DSE: variants seen among roughly 807,000 people sequenced by gnomAD.
DSE encodes the protein dermatan sulfate epimerase.
DSE carries 36 observed loss-of-function variants against 84.4 expected under a neutral mutation model. That is an observed-to-expected ratio of 0.43 (90% CI 0.33 to 0.56). The LOEUF (loss-of-function observed/expected upper bound fraction) is 0.56. Ranked by LOEUF, DSE falls within the 20% of genes least tolerant of loss-of-function variation. DSE has a pLI of 0.06. For missense variants in DSE, 862 were observed against 1,169.6 expected, an observed-to-expected ratio of 0.74 and a Z score of 3.84; for synonymous variants, 410 against 430.1, an observed-to-expected ratio of 0.95 and a Z score of 0.58.
intron 2 of DSE, among the ~76,000 whole-genome samples, chr6:116,337,018 G>A (rs1777291110): frequency 6.6e-6 from 1 of 152,150 alleles, no homozygotes; most frequent in Admixed American, 6.5e-5. Context: ...TATTAATAAT[G>A]CCAGTGTTTA....
intron 4 of DSE, among the ~76,000 whole-genome samples, chr6:116,431,614 A>T (rs549153271): frequency 3.3e-5 from 5 of 152,200 alleles, no homozygotes; most frequent in African/African-American, 4.8e-5. Context: ...CTTTCAAACT[A>T]TACAGACATG....
At chr6:116,379,223 G>GCATT (rs2114940364) in intron 1 of DSE, among the ~76,000 whole-genome samples, 1 of 152,186 alleles carries the variant, frequency 6.6e-6, no homozygotes, top group South Asian at 2.1e-4. Flanking sequence ...AGCTGATAAT[G>GCATT]GGTCAGTGGG....
At chr6:116,415,728 A>G (rs1782663291) in intron 2 of DSE, among the ~76,000 whole-genome samples, 1 of 151,742 alleles carries the variant, frequency 6.6e-6, no homozygotes, top group Non-Finnish European at 1.5e-5. Context: ...TTCCATTTCA[A>G]GAGCTTCTTT....
intron 2 of DSE, among the ~76,000 whole-genome samples, chr6:116,421,456 TA>T (rs1783076499): frequency 1.3e-5 from 1 of 78,018 alleles, no homozygotes; most frequent in African/African-American, 7.1e-5. Flanking sequence ...TATATATATA[TA>T]TATATATTTT....
intron 2 of DSE, among the ~76,000 whole-genome samples, chr6:116,360,132 T>C (rs1778805084): frequency 6.6e-6 from 1 of 152,226 alleles, no homozygotes; most frequent in Admixed American, 6.5e-5. Context: ...ATGTTCTCAC[T>C]TATAAGTAGG....
At position 116,399,295 on chromosome 6, in the gene DSE, T is replaced by C. The variant is rs759831762; in HGVS notation, c.45T>C (p.Tyr15=). 1.2e-6 allele frequency: 2 copies of C among 1,613,912 alleles called. No homozygotes were observed. The highest frequency in any genetic ancestry group is 2.7e-5 in the African/African-American group (2 of 74,906). ...TRGAPSVFFI[Y]LLCFVSAYIT... The stretch of plus-strand genomic sequence containing the variant: ...GGGCTCCCAGTGTGTTTTTCATATA[T>C]TTGCTTTGCTTTGTGTCAGCCTACA... The change falls in exon 2 of 6, where the codon TAT becomes TAC. Residue 15 remains tyrosine, a synonymous_variant. Transcript: ENST00000644252.
intron 2 of DSE, among the ~76,000 whole-genome samples, chr6:116,296,583 G>A (rs997272707): frequency 6.6e-5 from 10 of 152,234 alleles, no homozygotes; most frequent in Non-Finnish European, 1.3e-4. Context: ...CCTGAGTGGT[G>A]AGAAGGTGTC....
chr6:116,367,459 AGAG>A (rs1779229685), upstream of DSE, among the ~76,000 whole-genome samples: 2 of 152,236 alleles, frequency 1.3e-5, no homozygotes, highest in African/African-American at 4.8e-5. Flanking sequence ...ATTAAACTCA[AGAG>A]GAGAACAGAA....
At chr6:116,424,824 A>T (rs990247636) in intron 2 of DSE, among the ~76,000 whole-genome samples, 1 of 152,234 alleles carries the variant, frequency 6.6e-6, no homozygotes, top group Non-Finnish European at 1.5e-5. Context: ...TTTCTTTAGC[A>T]TAAACTTCTA....
intron 2 of DSE, among the ~76,000 whole-genome samples, chr6:116,289,574 G>A (rs766724131): frequency 2.0e-5 from 3 of 151,654 alleles, no homozygotes; most frequent in Non-Finnish European, 4.4e-5. Context: ...TTTTTTAAAT[G>A]GAAATATAGT....
chr6:116,409,253 T>C (rs1782141379), intron 2 of DSE, among the ~76,000 whole-genome samples: 2 of 152,214 alleles, frequency 1.3e-5, no homozygotes, highest in African/African-American at 4.8e-5. Context: ...ATTCACTTTA[T>C]ATAAGTTTAC....
chr6:116,261,481 T>C (rs1443047345), intron 2 of DSE, among the ~76,000 whole-genome samples: 1 of 152,196 alleles, frequency 6.6e-6, no homozygotes, highest in African/African-American at 2.4e-5. Context: ...TCCTGAGACT[T>C]TGCTGATGTT....
At chr6:116,371,260 C>G (rs1583112167) in intron 1 of DSE, 139 bp downstream of exon 1, 1 of 955,420 alleles carries the variant, frequency 1.0e-6, no homozygotes, top group Admixed American at 6.2e-5. Flanking sequence ...AGCGGAGCGC[C>G]GCGGGTTGCG....
intron 1 of DSE, among the ~76,000 whole-genome samples, chr6:116,390,499 A>C (rs919765792): frequency 5.3e-5 from 8 of 152,246 alleles, no homozygotes; most frequent in African/African-American, 1.9e-4. Flanking sequence ...AAAGCATAAC[A>C]GGCAAAAATT....
chr6:116,369,687 A>G (rs971035377), upstream of DSE: 3 of 305,946 alleles, frequency 9.8e-6, no homozygotes, highest in Admixed American at 1.2e-4. Flanking sequence ...TTAGTGGTTC[A>G]CCTGAGTGAA....
intron 2 of DSE, among the ~76,000 whole-genome samples, chr6:116,426,059 G>T (rs1249085935): frequency 6.6e-6 from 1 of 152,208 alleles, no homozygotes; most frequent in African/African-American, 2.4e-5. Flanking sequence ...TGACCAAGTG[G>T]GTCTGTGCAG....
At position 116,436,863 on chromosome 6, in the gene DSE, C is replaced by T; in HGVS notation, c.2395C>T (p.Gln799Ter). ...AIDRIFAISQ[Q>*]QQQQSKSKKN... ...TGACAGGATTTTTGCCATATCACAGCAACAGCAGCAGCAAAGCAAGTCAAA... is the reference window on the plus strand; with the variant it reads ...TGACAGGATTTTTGCCATATCACAGTAACAGCAGCAGCAAAGCAAGTCAAA... Residue 799 changes from glutamine (Q) to a stop codon, truncating the protein, a stop_gained, in exon 6 of 6, where the codon CAA becomes TAA. Coordinates refer to ENST00000644252, the MANE Select transcript of DSE (RefSeq NM_013352.4). LOFTEE classifies it high-confidence loss of function. The T allele has an allele frequency of 6.2e-7, 1 of 1,614,048 alleles. No homozygotes were observed.
At chr6:116,420,261 G>A (rs909530564) in intron 2 of DSE, among the ~76,000 whole-genome samples, 13 of 152,128 alleles carry the variant, frequency 8.5e-5, no homozygotes, top group African/African-American at 3.1e-4. Flanking sequence ...TGAACTGAAT[G>A]GGACCCTCCT....
intron 3 of DSE, 123 bp downstream of exon 3, chr6:116,426,950 A>T: frequency 7.5e-7 from 1 of 1,326,812 alleles, no homozygotes. Flanking sequence ...AACTAAACCC[A>T]TGAAATGAAG....
Sources: allele counts gnomAD v4.1 joint callset (sites outside exome capture counted in the v4.1 genomes callset), GRCh38; gene constraint gnomAD v4.1.1; transcripts MANE v1.5; gene names NCBI Gene and HGNC (gene_info 2026-07-23, HGNC 2026-07-21).